The following SLC12A1 variants were observed in gnomAD, a reference collection of about 807,000 sequenced individuals.
SLC12A1 encodes the protein solute carrier family 12 member 1.
SLC12A1 carries 89 observed loss-of-function variants against 130.4 expected under a neutral mutation model. The observed-to-expected ratio is 0.68, with a 90% CI of 0.58 to 0.81. The LOEUF (loss-of-function observed/expected upper bound fraction) is 0.81. Among genes scored for constraint, SLC12A1 ranks in the 40% least tolerant of loss-of-function variants. The probability of loss-of-function intolerance (pLI) is 0.00; values close to 1 mark genes in which losing one functional copy is unlikely to be tolerated. For missense variants in SLC12A1, 1,310 were observed against 1,336.4 expected, an observed-to-expected ratio of 0.98 and a Z score of 0.31; for synonymous variants, 499 against 460.0, an observed-to-expected ratio of 1.08 and a Z score of -1.09.
chr15:48,280,035 G>A (rs750594309), intron 20 of SLC12A1, among the ~76,000 whole-genome samples: 1 of 152,122 alleles, frequency 6.6e-6, no homozygotes, highest in Non-Finnish European at 1.5e-5. Flanking sequence ...GCTGTAAAAT[G>A]GGAAGGGATT....
At position 48,207,951 on chromosome 15, in the gene SLC12A1, G is replaced by A; in HGVS notation, c.232G>A (p.Glu78Lys). The A allele has an allele frequency of 6.2e-7, 1 of 1,613,970 alleles. No individual in the cohort carries two copies. Among genetic ancestry groups the A allele is most frequent in the Non-Finnish European group, 8.5e-7 (1 of 1,179,882 alleles). The change falls in exon 2 of 27, where the codon GAA becomes AAA. Residue 78 changes from glutamate to lysine, a missense_variant. By Grantham distance (56) the Glu-to-Lys change is moderately conservative. Coordinates refer to ENST00000380993, the MANE Select transcript of SLC12A1 (RefSeq NM_000338.3). The part of the protein sequence containing the change: ...ECYDNFLQSG[E>K]TAKTDASFHA... ...CTATGACAATTTCCTCCAAAGTGGA[G>A]AAACTGCTAAAACAGATGCCAGTTT...
At chr15:48,218,290 A>G (rs145450341) in intron 2 of SLC12A1, among the ~76,000 whole-genome samples, 288 of 152,320 alleles carry the variant, frequency 1.9e-3, no homozygotes, top group African/African-American at 6.8e-3. Flanking sequence ...TCCAAGTGTC[A>G]CAATAGTATC....
At chr15:48,234,149 G>A (rs2141039003) in intron 8 of SLC12A1, among the ~76,000 whole-genome samples, 1 of 152,302 alleles carries the variant, frequency 6.6e-6, no homozygotes, top group Non-Finnish European at 1.5e-5. Flanking sequence ...GAAAACCAGT[G>A]TGTTGATTGT....
chr15:48,276,050 T>G (rs1476751378), intron 20 of SLC12A1, among the ~76,000 whole-genome samples: 2 of 152,106 alleles, frequency 1.3e-5, no homozygotes, highest in African/African-American at 4.8e-5. Context: ...AGAACAGAAT[T>G]GAAAAGTATT....
At chr15:48,235,278 G>A (rs2041427427) in intron 9 of SLC12A1, 3 of 382,988 alleles carry the variant, frequency 7.8e-6, no homozygotes, top group African/African-American at 4.1e-5. Context: ...GTAGTTCAGT[G>A]AAAAAAATAC....
chr15:48,259,247 T>G lies in SLC12A1; in HGVS notation c.2090T>G (p.Leu697Arg). 2 of 1,613,906 alleles carry G rather than the reference T, an allele frequency of 1.2e-6. No individual in the cohort carries two copies. Among genetic ancestry groups the G allele is most frequent in the Non-Finnish European group, 1.7e-6 (2 of 1,179,834 alleles). The change falls in exon 17 of 27, where the codon CTC becomes CGC. Residue 697 changes from leucine to arginine, a missense_variant. Transcript: ENST00000380993. Reference sequence around the variant, plus strand: ...GGGGGACCCATGACAAGACCTGCTCTCCTGGACATAACTCACGCCTTTACC... The same window carrying G: ...GGGGGACCCATGACAAGACCTGCTCGCCTGGACATAACTCACGCCTTTACC... ...LTGGPMTRPA[L>R]LDITHAFTKN...
At chr15:48,259,392 T>C (rs1383303803) in intron 17 of SLC12A1, 81 bp downstream of exon 17, 10 of 954,636 alleles carry the variant, frequency 1.0e-5, no homozygotes, top group Non-Finnish European at 1.7e-5. Context: ...AAAAGGTACA[T>C]GCAGTGACAG....
chr15:48,297,894 C>G lies in SLC12A1; in HGVS notation c.2961-1246C>G, dbSNP rs546500575. Among the ~76,000 whole-genome samples the G allele has an allele frequency of 2.7e-4, 41 of 152,270 alleles. 2 individuals are homozygous for G. In the South Asian group the frequency reaches 7.9e-3, roughly 29 times the overall value. Reference sequence around the variant, plus strand: ...TAGTAATGACCACTCCTAGAGGTCTCTAAAGGCACGACACTGTTGAAATAG... The same window carrying G: ...TAGTAATGACCACTCCTAGAGGTCTGTAAAGGCACGACACTGTTGAAATAG... On this transcript the variant is annotated intron_variant, in intron 24 of 26. Coordinates refer to ENST00000380993, the MANE Select transcript of SLC12A1 (RefSeq NM_000338.3).
At chr15:48,263,665 A>C (rs1669760895) in intron 17 of SLC12A1, among the ~76,000 whole-genome samples, 1 of 151,900 alleles carries the variant, frequency 6.6e-6, no homozygotes, top group Non-Finnish European at 1.5e-5. Flanking sequence ...TGGTTATAGA[A>C]GCTTCTACTC....
chr15:48,270,943 A>G (rs960700075), intron 19 of SLC12A1, among the ~76,000 whole-genome samples: 17 of 150,346 alleles, frequency 1.1e-4, no homozygotes, highest in African/African-American at 4.2e-4. Flanking sequence ...GAGCCTTTCA[A>G]CCAGGCATGG....
intron 19 of SLC12A1, among the ~76,000 whole-genome samples, 173 bp from the exon 20 acceptor site, chr15:48,274,398 C>T (rs953776542): frequency 4.6e-5 from 7 of 152,092 alleles, no homozygotes; most frequent in Non-Finnish European, 5.9e-5. Context: ...ACTTTAAAAA[C>T]GCATAGGGGA....
At chr15:48,240,267 C>T (rs2141048287) in intron 9 of SLC12A1, among the ~76,000 whole-genome samples, 1 of 151,508 alleles carries the variant, frequency 6.6e-6, no homozygotes, top group Non-Finnish European at 1.5e-5. Flanking sequence ...TTCAGTAGGC[C>T]CCATCACAGT....
chr15:48,250,894 T>C (rs1002632460), intron 14 of SLC12A1, among the ~76,000 whole-genome samples: 6 of 152,094 alleles, frequency 3.9e-5, no homozygotes, highest in Admixed American at 1.3e-4. Context: ...TCAGAGCTTT[T>C]CCCTCCTGTC....
intron 17 of SLC12A1, among the ~76,000 whole-genome samples, chr15:48,266,075 T>C (rs2041828540): frequency 6.6e-6 from 1 of 152,206 alleles, no homozygotes; most frequent in South Asian, 2.1e-4. Flanking sequence ...ATTTCAAATG[T>C]TCAATAGCAG....
intron 4 of SLC12A1, chr15:48,223,081 A>T (rs1240589610): frequency 1.3e-5 from 2 of 152,250 alleles, no homozygotes. Context: ...GAAGCAAGTC[A>T]CTTACATTCG....
At chr15:48,291,220 C>T (rs1481427815) in intron 23 of SLC12A1, among the ~76,000 whole-genome samples, 1 of 149,950 alleles carries the variant, frequency 6.7e-6, no homozygotes, top group East Asian at 1.9e-4. Flanking sequence ...GAAATTATAT[C>T]AGAATTATCA....
At chr15:48,273,968 G>A (rs1484637322) in intron 19 of SLC12A1, among the ~76,000 whole-genome samples, 1 of 152,146 alleles carries the variant, frequency 6.6e-6, no homozygotes, top group African/African-American at 2.4e-5. Context: ...ATAAAAGAAA[G>A]ACAGACTTTA....
intron 2 of SLC12A1, 133 bp downstream of exon 2, chr15:48,208,272 C>A: frequency 1.1e-6 from 1 of 876,964 alleles, no homozygotes; most frequent in Non-Finnish European, 1.7e-6. Flanking sequence ...ATCCATCTTA[C>A]TTACAAAACT....
intron 5 of SLC12A1, chr15:48,227,504 G>A (rs565929941): frequency 2.7e-5 from 9 of 328,870 alleles, no homozygotes; most frequent in South Asian, 2.5e-4. Flanking sequence ...CTCTCAGCAT[G>A]GGTCTTCTCC....
Sources: gnomAD v4.1 joint callset for allele counts (sites outside exome capture counted in the v4.1 genomes callset) on GRCh38, gnomAD v4.1.1 for gene constraint, MANE v1.5 for transcripts, NCBI Gene and HGNC (gene_info 2026-07-23, HGNC 2026-07-21) for gene names.